INPP4A: variants seen among roughly 807,000 people sequenced by gnomAD.
The protein encoded by INPP4A is inositol polyphosphate-4-phosphatase, type I, 107kD.
Under a neutral mutation model 119.8 loss-of-function variants are expected in INPP4A, and 33 were observed. The ratio of observed to expected loss-of-function variants is 0.28; its 90% CI spans 0.21 to 0.37. INPP4A has a LOEUF of 0.37. Ranked by LOEUF, INPP4A falls within the 10% of genes least tolerant of loss-of-function variation. The pLI is 1.00. For missense variants in INPP4A, 956 were observed against 1,289.9 expected, an observed-to-expected ratio of 0.74 and a Z score of 3.97; for synonymous variants, 496 against 500.7, an observed-to-expected ratio of 0.99 and a Z score of 0.12.
chr2:98,488,267 T>C (rs961081882), intron 1 of INPP4A, among the ~76,000 whole-genome samples: 1 of 152,162 alleles, frequency 6.6e-6, no homozygotes, highest in Non-Finnish European at 1.5e-5. Flanking sequence ...CCCTCATCCC[T>C]TTTATTGGAG....
rs965243879 is a variant in INPP4A, at chr2:98,538,937, G to A, written c.626G>A (p.Arg209Gln). The A allele has an allele frequency of 6.2e-6, 10 of 1,611,692 alleles. No individual in the cohort carries two copies. The highest frequency in any genetic ancestry group is 2.2e-5 in the East Asian group (1 of 44,874). Residue 209 changes from arginine to glutamine, a missense_variant, in exon 9 of 25, where the codon CGA (arginine) becomes CAA (glutamine). Arg to Gln is a conservative substitution (Grantham distance 43). Coordinates refer to ENST00000409851, the MANE Select transcript of INPP4A (RefSeq NM_001134225.2). ...AGCTTGACGGAGGCGTTAGGAATCC[G>A]ATCCAAATACGCTTCATTGCGAAAG... Reference protein sequence around the residue: ...DESLTEALGIRSKYASLRKDT... With the variant: ...DESLTEALGIQSKYASLRKDT...
intron 1 of INPP4A, among the ~76,000 whole-genome samples, chr2:98,462,753 T>C (rs977220606): frequency 1.3e-5 from 2 of 152,158 alleles, no homozygotes; most frequent in African/African-American, 4.8e-5. Context: ...ACTCCTGGGC[T>C]CAAGCAATCC....
At position 98,514,251 on chromosome 2, in the gene INPP4A, G is replaced by A. The variant is rs147995625; in HGVS notation, c.-165-4713G>A. ...GGGGAGGCTCAGGGGATGTGTTCAG[G>A]GTGTTCTGAGCCCCACCTGGAGTTA... On this transcript the variant is annotated intron_variant, in intron 1 of 24. Transcript: ENST00000409851. Among the ~76,000 whole-genome samples, 610 of 152,258 alleles carry A rather than the reference G, an allele frequency of 4.0e-3. 5 individuals are homozygous for A. Among genetic ancestry groups the A allele is most frequent in the African/African-American group, 0.014 (578 of 41,544 alleles).
rs1391441292 is a variant in INPP4A at position 98,468,479 on chromosome 2, TCCTCTCACCTTGA to T, written c.-166+23399_-166+23411del. 3.3e-5 allele frequency among the ~76,000 whole-genome samples: 5 copies of T among 152,052 alleles called. No homozygotes were observed. In the South Asian group the frequency reaches 1.0e-3, roughly 32 times the overall value. ...GTCTTGAACCCCTGGCCTCAAATGA[TCCTCTCACCTTGA>T]CCTCCCAAAGCGCTAGGATTTCAGG... On this transcript the variant is annotated intron_variant, in intron 1 of 24. Coordinates refer to ENST00000409851, the MANE Select transcript of INPP4A (RefSeq NM_001134225.2).
At chr2:98,577,736 C>T (rs986758907) in intron 24 of INPP4A, among the ~76,000 whole-genome samples, 1 of 152,170 alleles carries the variant, frequency 6.6e-6, no homozygotes, top group Non-Finnish European at 1.5e-5. Flanking sequence ...AGGCAGCAGG[C>T]GTGTTTGCAG....
chr2:98,519,828 A>G (rs1161359510), intron 2 of INPP4A, 118 bp from the exon 3 acceptor site: 16 of 543,368 alleles, frequency 2.9e-5, no homozygotes, highest in South Asian at 4.1e-5. Context: ...GGTTCCTCAC[A>G]TGCTGGGGAA....
chr2:98,458,002 T>G (rs6756030), intron 1 of INPP4A, among the ~76,000 whole-genome samples: 4,086 of 149,966 alleles, frequency 0.027, 190 homozygotes, highest in African/African-American at 0.096. Context: ...TTTTTTTTGT[T>G]TAAATGAGGT....
chr2:98,539,625 G>C lies in INPP4A; in HGVS notation c.768G>C (p.Leu256=). 1 of 1,611,378 alleles carries C rather than the reference G, an allele frequency of 6.2e-7. No individual in the cohort carries two copies. The highest frequency in any genetic ancestry group is 8.5e-7 in the Non-Finnish European group (1 of 1,178,760). The change falls in exon 10 of 25, where the codon CTG becomes CTC. Residue 256 remains leucine (L), a synonymous_variant. Transcript: ENST00000409851. The part of the protein sequence containing the change: ...LEQMAESVLS[L]HVPRQFVKLL... ...AGATGGCAGAGAGCGTGCTCTCCCT[G>C]CACGTGCCCCGGCAGTTCGTGAAGC... is the stretch of plus-strand genomic sequence containing the variant.
Position 98,576,085 on chromosome 2 carries a change from G to T in INPP4A, c.2632-904G>T, listed in dbSNP as rs370603431. ...GCTCATATTATTGCCACACTGAAAA[G>T]TATGAATATTTACATAAAATGGGAT... On this transcript the variant is annotated intron_variant, in intron 23 of 24. Transcript: ENST00000409851. 5.3e-4 allele frequency among the ~76,000 whole-genome samples: 81 copies of T among 152,326 alleles called. No homozygotes were observed. In the South Asian group the frequency reaches 0.016, roughly 30 times the overall value.
chr2:98,459,683 G>A (rs1574498320), intron 1 of INPP4A, among the ~76,000 whole-genome samples: 1 of 152,226 alleles, frequency 6.6e-6, no homozygotes, highest in East Asian at 1.9e-4. Flanking sequence ...CTTCAGGGCA[G>A]GGACAATAGC....
At chr2:98,586,336 GT>G (rs372688108) in intron 24 of INPP4A, among the ~76,000 whole-genome samples, 4,943 of 144,782 alleles carry the variant, frequency 0.034, 99 homozygotes, top group Non-Finnish European at 0.036. Context: ...TGCCACTGAT[GT>G]TTTTTTTTTT....
intron 14 of INPP4A, among the ~76,000 whole-genome samples, chr2:98,553,827 A>T (rs1265281340): frequency 6.6e-6 from 1 of 152,254 alleles, no homozygotes; most frequent in Non-Finnish European, 1.5e-5. Flanking sequence ...CCAGCTACCC[A>T]GAACCCAGAA....
chr2:98,497,664 T>C (rs140035879), intron 1 of INPP4A, among the ~76,000 whole-genome samples: 5 of 150,176 alleles, frequency 3.3e-5, no homozygotes, highest in East Asian at 2.0e-4. Context: ...TTGTCTAATA[T>C]GTAGTTTGCA....
intron 1 of INPP4A, among the ~76,000 whole-genome samples, chr2:98,458,392 G>A (rs1387964706): frequency 6.6e-6 from 1 of 152,018 alleles, no homozygotes; most frequent in East Asian, 1.9e-4. Context: ...CTCTACCCTG[G>A]GAGTGGCTAC....
At chr2:98,540,701 A>G (rs1012665513) in intron 10 of INPP4A, among the ~76,000 whole-genome samples, 1 of 152,246 alleles carries the variant, frequency 6.6e-6, no homozygotes, top group African/African-American at 2.4e-5. Flanking sequence ...AGAGAAGGCC[A>G]AACTTGCTTT....
rs1012839296 is a variant in INPP4A at position 98,590,728 on chromosome 2, C to G, written c.*3120C>G. 2 of 221,548 alleles carry G rather than the reference C, an allele frequency of 9.0e-6. No individual in the cohort carries two copies. The highest frequency in any genetic ancestry group is 1.8e-5 in the Non-Finnish European group (2 of 110,826). The allele number at this position is 221,548 out of a possible 1,614,324, so 13.7% of individuals were successfully genotyped here. On this transcript the variant is annotated 3_prime_UTR_variant, in exon 25 of 25. Coordinates refer to ENST00000409851, the MANE Select transcript of INPP4A (RefSeq NM_001134225.2). The stretch of plus-strand genomic sequence containing the variant: ...TCTAGGCACACACGACCCGTTATCT[C>G]CCTTGGAAAAATTCCTCTCACTGGA...
chr2:98,486,552 T>A (rs1679574403), intron 1 of INPP4A, among the ~76,000 whole-genome samples: 1 of 152,240 alleles, frequency 6.6e-6, no homozygotes, highest in African/African-American at 2.4e-5. Flanking sequence ...TGGCAGAAGT[T>A]CCTCAGTTGC....
intron 1 of INPP4A, among the ~76,000 whole-genome samples, chr2:98,484,432 G>A (rs893073039): frequency 2.0e-5 from 3 of 152,072 alleles, no homozygotes; most frequent in African/African-American, 7.2e-5. Flanking sequence ...TTCCTGATGA[G>A]CTCAAAGTCC....
At chr2:98,584,904 AG>A (rs1452498951) in intron 24 of INPP4A, among the ~76,000 whole-genome samples, 1 of 152,268 alleles carries the variant, frequency 6.6e-6, no homozygotes, top group Non-Finnish European at 1.5e-5. Context: ...AGTGAGAAAT[AG>A]GCAGGATGAA....
Sources: allele counts gnomAD v4.1 joint callset (sites outside exome capture counted in the v4.1 genomes callset), GRCh38; gene constraint gnomAD v4.1.1; transcripts MANE v1.5; gene names NCBI Gene and HGNC (gene_info 2026-07-23, HGNC 2026-07-21).